Variants in SCML4 observed in about 807,000 individuals in gnomAD.
SCML4 encodes the protein Scm polycomb group protein like 4, also known as sex comb on midleg-like protein 4.
SCML4 carries 34 observed loss-of-function variants against 41.1 expected under a neutral mutation model. That is an observed-to-expected ratio of 0.83 (90% CI 0.63 to 1.10). The LOEUF (loss-of-function observed/expected upper bound fraction) is 1.10. Ranked by LOEUF, SCML4 falls within the 50% of genes least tolerant of loss-of-function variation. The pLI is 0.00. For synonymous variants in SCML4, 214 were observed against 220.9 expected (o/e 0.97, Z 0.28); for missense variants, 522 against 534.1 (o/e 0.98, Z 0.22).
upstream of SCML4, among the ~76,000 whole-genome samples, chr6:107,826,295 A>T (rs1785255253): frequency 7.6e-6 from 1 of 131,246 alleles, no homozygotes; most frequent in Non-Finnish European, 1.5e-5. Context: ...AAAAGAAAAG[A>T]AAGAAAAGAA....
intron 5 of SCML4, among the ~76,000 whole-genome samples, chr6:107,730,716 G>A (rs551548614): frequency 6.6e-6 from 1 of 152,354 alleles, no homozygotes; most frequent in East Asian, 1.9e-4. Context: ...AGGACAGACT[G>A]ATGGTCCTTT....
upstream of SCML4, among the ~76,000 whole-genome samples, chr6:107,826,534 T>A (rs1785266320): frequency 6.6e-6 from 1 of 152,162 alleles, no homozygotes; most frequent in African/African-American, 2.4e-5. Flanking sequence ...TCAGAAATAA[T>A]CTCCAAGTCC....
chr6:107,764,150 C>A (rs1472558965), intron 2 of SCML4, among the ~76,000 whole-genome samples: 2 of 152,198 alleles, frequency 1.3e-5, no homozygotes, highest in African/African-American at 4.8e-5. Context: ...GTTCCAATAA[C>A]AAGAAGCTTG....
At chr6:107,748,045 G>GA (rs1294489093) in intron 3 of SCML4, among the ~76,000 whole-genome samples, 1 of 152,088 alleles carries the variant, frequency 6.6e-6, no homozygotes, top group Non-Finnish European at 1.5e-5. Context: ...GACCTCTTGA[G>GA]AAAAAAACTA....
At chr6:107,816,693 C>A (rs1218182584) in intron 1 of SCML4, among the ~76,000 whole-genome samples, 1 of 152,198 alleles carries the variant, frequency 6.6e-6, no homozygotes, top group African/African-American at 2.4e-5. Context: ...GCCTTGAAAC[C>A]CATTCAGTCT....
At chr6:107,837,466 C>T in the SCML4 span, among the ~76,000 whole-genome samples, 4 of 152,312 alleles carry the variant, frequency 2.6e-5, no homozygotes, top group South Asian at 8.3e-4. Context: ...ACTTCACCTT[C>T]ACCTCGAGTT....
the SCML4 span, among the ~76,000 whole-genome samples, chr6:107,837,706 G>C: frequency 3.9e-5 from 6 of 151,994 alleles, no homozygotes; most frequent in Non-Finnish European, 5.9e-5. Context: ...TTTCCCTAAG[G>C]ATTTGTTGAG....
In SCML4 at chr6:107,720,752, T is replaced by C; in HGVS notation, c.924A>G (p.Pro308=). The change falls in exon 6 of 8, where the codon CCA becomes CCG. Residue 308 remains proline, a synonymous_variant. Transcript: ENST00000369020. ...TCGTGTTTCTCTTGGGGCTGGAGGCTGGAGGCCTCAGCCCAGGTGCCGAGG... is the reference window on the plus strand; with the variant it reads ...TCGTGTTTCTCTTGGGGCTGGAGGCCGGAGGCCTCAGCCCAGGTGCCGAGG... ...GGPSAPGLRP[P]ASSPKRNTTS... is the part of the protein sequence containing the mutation. 1.2e-6 allele frequency: 2 copies of C among 1,604,574 alleles called. No individual in the cohort carries two copies.
rs1775347885 is a variant in SCML4, at chr6:107,721,001, A to G, written c.683-8T>C. 1.9e-6 allele frequency: 3 copies of G among 1,594,882 alleles called. No homozygotes were observed. The highest frequency in any genetic ancestry group is 2.7e-5 in the African/African-American group (2 of 74,266). ...CGGTGGTGACTGTCTTGACTAAGCA[A>G]TAAGGCAGTACAGAGAAGCAGATAT... On this transcript the variant is annotated splice_polypyrimidine_tract_variant and splice_region_variant and intron_variant, in intron 5 of 7. Coordinates refer to ENST00000369020, the MANE Select transcript of SCML4 (RefSeq NM_198081.5).
the SCML4 span, among the ~76,000 whole-genome samples, chr6:107,834,331 C>T: frequency 1.3e-5 from 2 of 152,182 alleles, no homozygotes; most frequent in African/African-American, 2.4e-5. Flanking sequence ...GACATAGGCA[C>T]AGCTGAGGGG....
intron 5 of SCML4, among the ~76,000 whole-genome samples, chr6:107,723,043 AT>A (rs1775590840): frequency 6.6e-6 from 1 of 152,202 alleles, no homozygotes. Flanking sequence ...TGACAAAAAA[AT>A]AAACAAATAA....
chr6:107,766,327 G>A (rs145285866), intron 2 of SCML4, among the ~76,000 whole-genome samples: 12 of 148,176 alleles, frequency 8.1e-5, no homozygotes, highest in East Asian at 4.0e-4. Context: ...CCGAAATTGC[G>A]CCACTACAGT....
chr6:107,781,212 C>G (rs1028577430), intron 1 of SCML4, among the ~76,000 whole-genome samples: 49 of 152,022 alleles, frequency 3.2e-4, no homozygotes, highest in African/African-American at 1.1e-3. Context: ...AAATTAGCAA[C>G]AAAAATTAGA....
chr6:107,727,810 A>C (rs1562188843), intron 5 of SCML4, among the ~76,000 whole-genome samples: 1 of 152,362 alleles, frequency 6.6e-6, no homozygotes, highest in East Asian at 1.9e-4. Flanking sequence ...CTACGATCTA[A>C]AGCCAGTAAG....
At chr6:107,845,659 AT>A in the SCML4 span, among the ~76,000 whole-genome samples, 1 of 152,212 alleles carries the variant, frequency 6.6e-6, no homozygotes, top group East Asian at 1.9e-4. Flanking sequence ...TCAGAAAGGA[AT>A]GGGCAAGGGT....
At position 107,703,310 on chromosome 6, in the gene SCML4, T is replaced by A. The variant is rs933323444; in HGVS notation, c.*1890A>T. The stretch of plus-strand genomic sequence containing the variant: ...CAAGAGCCCTCTCTTGGGGTCTGGA[T>A]CGGGACCCCCTTCCTGTAACAAAAT... On this transcript the variant is annotated 3_prime_UTR_variant, in exon 8 of 8. Transcript: ENST00000369020. Among the ~76,000 whole-genome samples the A allele has an allele frequency of 1.3e-5, 2 of 152,162 alleles. No homozygotes were observed. Among genetic ancestry groups the A allele is most frequent in the African/African-American group, 4.8e-5 (2 of 41,424 alleles).
At chr6:107,828,717 A>G (rs140549283), upstream of SCML4, among the ~76,000 whole-genome samples, 1 of 152,350 alleles carries the variant, frequency 6.6e-6, no homozygotes, top group African/African-American at 2.4e-5. Context: ...TATGGAAAGC[A>G]TAAGGCTTAT....
In SCML4 at chr6:107,788,195, T is replaced by C. The variant is rs1161860978; in HGVS notation, c.-59-15809A>G. On this transcript the variant is annotated intron_variant, in intron 1 of 7. Coordinates refer to ENST00000369020, the MANE Select transcript of SCML4 (RefSeq NM_198081.5). Reference sequence around the variant, plus strand: ...TTGCTTCCCCAATAGACAAGGACCATGTTTCTGCAAGGACCAGGAAAGCTG... The same window carrying C: ...TTGCTTCCCCAATAGACAAGGACCACGTTTCTGCAAGGACCAGGAAAGCTG... Among the ~76,000 whole-genome samples the C allele has an allele frequency of 2.0e-5, 3 of 152,204 alleles. No individual in the cohort carries two copies. The East Asian group carries it at 5.8e-4, about 29-fold the overall frequency.
chr6:107,772,304 C>G lies in SCML4; in HGVS notation c.24G>C (p.Gly8=), dbSNP rs1277655273. The change falls in exon 2 of 8, where the codon GGG becomes GGC. Residue 8 remains glycine, a synonymous_variant. Coordinates refer to ENST00000369020, the MANE Select transcript of SCML4 (RefSeq NM_198081.5). The part of the protein sequence containing the change: MQSQRIP[G]RKRGRPSLHS... Reference sequence around the variant, plus strand: ...GAAGTGAGGGTCGGCCTCGCTTTCTCCCCGGGATCCTTTGAGACTGCATTT... The same window carrying G: ...GAAGTGAGGGTCGGCCTCGCTTTCTGCCCGGGATCCTTTGAGACTGCATTT... 3.2e-6 allele frequency: 5 copies of G among 1,551,072 alleles called. No individual in the cohort carries two copies. The Admixed American group carries it at 9.8e-5, about 30-fold the overall frequency.
Sources: allele counts gnomAD v4.1 joint callset (sites outside exome capture counted in the v4.1 genomes callset), GRCh38; gene constraint gnomAD v4.1.1; transcripts MANE v1.5; gene names NCBI Gene and HGNC (gene_info 2026-07-23, HGNC 2026-07-21).